DNER: variants seen among roughly 807,000 people sequenced by gnomAD.
The protein encoded by DNER is delta/notch like EGF repeat containing, also known as delta and Notch-like epidermal growth factor-related receptor.
DNER carries 33 observed loss-of-function variants against 78.2 expected under a neutral mutation model. The observed-to-expected ratio is 0.42, with a 90% confidence interval of 0.32 to 0.56. The LOEUF is 0.56. DNER is among the 20% of genes least tolerant of loss of function. The pLI is 0.11. For missense variants in DNER, 918 were observed against 975.3 expected (o/e 0.94, Z 0.78); for synonymous variants, 417 against 384.8 (o/e 1.08, Z -0.98).
At chr2:229,459,658 G>A (rs1660374144) in intron 7 of DNER, among the ~76,000 whole-genome samples, 1 of 152,032 alleles carries the variant, frequency 6.6e-6, no homozygotes, top group South Asian at 2.1e-4. Flanking sequence ...CTCCAAATCT[G>A]TGCTCTTAAG....
intron 5 of DNER, among the ~76,000 whole-genome samples, chr2:229,524,750 A>C (rs942126378): frequency 3.9e-5 from 6 of 152,200 alleles, no homozygotes; most frequent in African/African-American, 1.4e-4. Flanking sequence ...CTGCACCTGC[A>C]CCTGGTCCAG....
chr2:229,407,933 A>G (rs1693423455), intron 9 of DNER, among the ~76,000 whole-genome samples: 1 of 152,186 alleles, frequency 6.6e-6, no homozygotes, highest in Admixed American at 6.5e-5. Flanking sequence ...AACTGAGGAA[A>G]GAGTCGAAGA....
chr2:229,458,135 CAAAAAAAAAAA>C (rs61340733), intron 7 of DNER, among the ~76,000 whole-genome samples: 8 of 17,716 alleles, frequency 4.5e-4, no homozygotes, highest in African/African-American at 6.4e-4. Context: ...GACTCTATCT[CAAAAAAAAAAA>C]AAAAAAAAAA....
At chr2:229,391,268 C>T (rs183162627) in intron 10 of DNER, among the ~76,000 whole-genome samples, 19 of 152,278 alleles carry the variant, frequency 1.2e-4, no homozygotes, top group South Asian at 2.1e-4. Context: ...AATCAATATT[C>T]GTTTTAACTT....
chr2:229,465,679 G>C (rs1196509378), intron 7 of DNER, among the ~76,000 whole-genome samples: 4 of 152,156 alleles, frequency 2.6e-5, no homozygotes, highest in African/African-American at 9.7e-5. Context: ...TTAGTGATTT[G>C]TATGTATCTT....
At chr2:229,564,566 C>T (rs1360653424) in intron 4 of DNER, among the ~76,000 whole-genome samples, 1 of 151,196 alleles carries the variant, frequency 6.6e-6, no homozygotes, top group Non-Finnish European at 1.5e-5. Context: ...TTACCATCAT[C>T]ATCAACATCA....
intron 7 of DNER, among the ~76,000 whole-genome samples, chr2:229,474,306 T>G (rs1223783707): frequency 6.6e-6 from 1 of 152,196 alleles, no homozygotes; most frequent in Admixed American, 6.5e-5. Context: ...AGAGGCAGCT[T>G]AAAAAATGCC....
chr2:229,400,804 G>A (rs541673092), intron 10 of DNER, among the ~76,000 whole-genome samples: 1 of 152,156 alleles, frequency 6.6e-6, no homozygotes, highest in Admixed American at 6.5e-5. Flanking sequence ...CTCCCTTCTT[G>A]ATAAGTGTGG....
intron 4 of DNER, among the ~76,000 whole-genome samples, chr2:229,564,174 ACAT>A (rs1247617387): frequency 4.7e-5 from 5 of 107,152 alleles, no homozygotes; most frequent in Admixed American, 3.9e-4. Context: ...CACCCCATCA[ACAT>A]CATCATCAGC....
intron 6 of DNER, among the ~76,000 whole-genome samples, chr2:229,503,575 C>A (rs1471686945): frequency 6.6e-6 from 1 of 152,148 alleles, no homozygotes; most frequent in Non-Finnish European, 1.5e-5. Context: ...TGCCAAAGAC[C>A]ACTCCTGCTT....
intron 1 of DNER, among the ~76,000 whole-genome samples, chr2:229,708,229 A>C (rs556725783): frequency 3.9e-5 from 6 of 152,312 alleles, no homozygotes; most frequent in African/African-American, 1.4e-4. Context: ...ACAGGCTATG[A>C]AGGAAGATGA....
At chr2:229,590,447 CCTAA>C in intron 2 of DNER, among the ~76,000 whole-genome samples, 1 of 152,050 alleles carries the variant, frequency 6.6e-6, no homozygotes, top group Non-Finnish European at 1.5e-5. Context: ...AAAAATAGAA[CCTAA>C]ATGACAACAG....
At chr2:229,369,101 T>C (rs1692417929) in intron 11 of DNER, among the ~76,000 whole-genome samples, 1 of 152,156 alleles carries the variant, frequency 6.6e-6, no homozygotes, top group East Asian at 1.9e-4. Context: ...TCTTTGTTTG[T>C]AAAATGGAAA....
intron 7 of DNER, among the ~76,000 whole-genome samples, chr2:229,465,597 A>C (rs982573522): frequency 9.9e-5 from 15 of 152,192 alleles, no homozygotes; most frequent in African/African-American, 3.6e-4. Flanking sequence ...TTAAAAAAAA[A>C]TAAAAAACAA....
At chr2:229,459,102 G>T (rs1249074885) in intron 7 of DNER, among the ~76,000 whole-genome samples, 2 of 151,992 alleles carry the variant, frequency 1.3e-5, no homozygotes, top group East Asian at 3.8e-4. Context: ...ATTACTTGAA[G>T]AAATTAAAAA....
chr2:229,459,277 CAAGT>C (rs1165455831), intron 7 of DNER, among the ~76,000 whole-genome samples: 1 of 152,014 alleles, frequency 6.6e-6, no homozygotes, highest in Non-Finnish European at 1.5e-5. Flanking sequence ...TCAGCGCAAT[CAAGT>C]AAGTAGCTCT....
At chr2:229,695,845 A>G (rs1294513118) in intron 1 of DNER, among the ~76,000 whole-genome samples, 5 of 152,124 alleles carry the variant, frequency 3.3e-5, no homozygotes, top group Non-Finnish European at 5.9e-5. Flanking sequence ...TGAGCCCTTG[A>G]CCTGAGGATG....
At chr2:229,468,349 C>G (rs976931957) in intron 7 of DNER, among the ~76,000 whole-genome samples, 1 of 152,202 alleles carries the variant, frequency 6.6e-6, no homozygotes, top group African/African-American at 2.4e-5. Context: ...GCCTCTGGCT[C>G]CAAGAGTCTG....
intron 1 of DNER, among the ~76,000 whole-genome samples, chr2:229,692,811 G>A (rs1053874668): frequency 6.6e-6 from 1 of 152,012 alleles, no homozygotes; most frequent in Non-Finnish European, 1.5e-5. Flanking sequence ...ACTTTGATCA[G>A]CATCTTTTAT....
Sources: gnomAD v4.1 joint callset for allele counts (sites outside exome capture counted in the v4.1 genomes callset) on GRCh38, gnomAD v4.1.1 for gene constraint, MANE v1.5 for transcripts, NCBI Gene and HGNC (gene_info 2026-07-23, HGNC 2026-07-21) for gene names.